Variants in DNAH10 observed in about 807,000 individuals in gnomAD.
The protein encoded by DNAH10 is dynein axonemal heavy chain 10.
A neutral mutation model predicts 506.6 loss-of-function variants in DNAH10; 348 were observed. The ratio of observed to expected loss-of-function variants is 0.69; its 90% CI spans 0.63 to 0.75. DNAH10 has a LOEUF of 0.75. Among genes scored for constraint, DNAH10 ranks in the 30% least tolerant of loss-of-function variants. The pLI is 0.00. For synonymous variants in DNAH10, 2,059 were observed against 2,198.6 expected (o/e 0.94, Z 1.78); for missense variants, 5,179 against 5,787.1 (o/e 0.89, Z 3.41).
At chr12:123,898,952 A>C in intron 56 of DNAH10, 138 bp downstream of exon 56, 1 of 1,311,306 alleles carries the variant, frequency 7.6e-7, no homozygotes, top group Non-Finnish European at 1.0e-6. Flanking sequence ...GCTTGTAGGC[A>C]CTGAGCGTGC....
intron 18 of DNAH10, among the ~76,000 whole-genome samples, chr12:123,808,170 C>T (rs1432609106): frequency 7.9e-5 from 12 of 152,112 alleles, no homozygotes; most frequent in Admixed American, 7.9e-4. Flanking sequence ...ATATCTGGGA[C>T]CACAGGCGTG....
intron 56 of DNAH10, among the ~76,000 whole-genome samples, chr12:123,899,993 A>G (rs999366374): frequency 2.0e-5 from 3 of 152,032 alleles, no homozygotes; most frequent in African/African-American, 7.3e-5. Flanking sequence ...GGTCCCATCA[A>G]TCCCTCTATG....
In DNAH10 at chr12:123,928,669, C is replaced by T; in HGVS notation, c.12306+82C>T. ...ATGCTGCTCTGGGGCCGGGGTGTGCCTTTGTCTGTGTAGAAATAAACCTTA... is the reference window on the plus strand; with the variant it reads ...ATGCTGCTCTGGGGCCGGGGTGTGCTTTTGTCTGTGTAGAAATAAACCTTA... On this transcript the variant is annotated intron_variant, in intron 70 of 78. Transcript: ENST00000673944. This position sits in a 1 kb window ranked among gnomAD's most constrained non-coding sequence, Gnocchi z 4.9. The T allele has an allele frequency of 6.9e-7, 1 of 1,446,752 alleles. No homozygotes were observed. The highest frequency in any genetic ancestry group is 9.3e-7 in the Non-Finnish European group (1 of 1,077,210). The allele number at this position is 1,446,752 out of a possible 1,614,324, so 89.6% of individuals were successfully genotyped here.
intron 11 of DNAH10, among the ~76,000 whole-genome samples, chr12:123,790,736 A>G (rs1958048011): frequency 1.3e-5 from 2 of 152,186 alleles, no homozygotes; most frequent in Admixed American, 1.3e-4. Flanking sequence ...TGGGTAAATA[A>G]TTGGTGATGA....
rs1951256704 is a variant in DNAH10 at position 123,853,503 on chromosome 12, C to CTCT, written c.6438+153_6438+155dup. 6.6e-6 allele frequency among the ~76,000 whole-genome samples: 1 copy of CTCT among 152,176 alleles called. No homozygotes were observed. The highest frequency in any genetic ancestry group is 1.5e-5 in the Non-Finnish European group (1 of 68,034). On this transcript the variant is annotated intron_variant, in intron 36 of 78. Transcript: ENST00000673944. This position sits in a 1 kb window ranked among gnomAD's most constrained non-coding sequence, Gnocchi z 4.7. ...CCCCGCGGTCTGGCCTTACTTTGGCCTCTTACCTGTTGTATCGTTTGCTTG... is the reference window on the plus strand; with the variant it reads ...CCCCGCGGTCTGGCCTTACTTTGGCCTCTTCTTACCTGTTGTATCGTTTGCTTG...
At chr12:123,871,298 A>G (rs1952022665) in intron 44 of DNAH10, among the ~76,000 whole-genome samples, 159 bp from the exon 45 acceptor site, 1 of 152,166 alleles carries the variant, frequency 6.6e-6, no homozygotes, top group Non-Finnish European at 1.5e-5. Flanking sequence ...AAAGTCAATC[A>G]GTTATACACT....
intron 45 of DNAH10, 109 bp downstream of exon 45, chr12:123,871,711 A>G: frequency 7.5e-7 from 1 of 1,325,990 alleles, no homozygotes; most frequent in South Asian, 1.4e-5. Flanking sequence ...TGGGTCGAGA[A>G]TGTGGGAGTG....
chr12:123,872,024 T>G (rs937018308), intron 45 of DNAH10, among the ~76,000 whole-genome samples: 4 of 152,134 alleles, frequency 2.6e-5, no homozygotes, highest in African/African-American at 9.7e-5. Context: ...ATGGGTGAGA[T>G]AGAAGCCACC....
In DNAH10 at chr12:123,886,476, C is replaced by T. The variant is rs566044102; in HGVS notation, c.8824-666C>T. ...AGGCATCCTGGTTGCGTTGCGCGCG[C>T]GCGCGTGTGTGTGCACACGTGTGTG... On this transcript the variant is annotated intron_variant, in intron 51 of 78. Coordinates refer to ENST00000673944, the MANE Select transcript of DNAH10 (RefSeq NM_001372106.1). Among the ~76,000 whole-genome samples, 275 of 133,990 alleles carry T rather than the reference C, an allele frequency of 2.1e-3. 1 individual carries two copies. The highest frequency in any genetic ancestry group is 7.5e-3 in the Middle Eastern group (2 of 266). 87.9% of individuals were successfully genotyped at this position (133,990 alleles called of 152,430 possible).
chr12:123,814,060 C>G (rs991476326), intron 21 of DNAH10, 148 bp downstream of exon 21: 1 of 690,902 alleles, frequency 1.4e-6, no homozygotes, highest in East Asian at 3.0e-5. Context: ...AGCAATGCCA[C>G]TGTTATTTAG....
intron 53 of DNAH10, 60 bp from the exon 54 acceptor site, chr12:123,894,583 C>A: frequency 6.7e-7 from 1 of 1,499,040 alleles, no homozygotes; most frequent in Non-Finnish European, 9.3e-7. Flanking sequence ...TTTGTAGAGA[C>A]AGGGTCTCGC....
At chr12:123,894,569 A>AT (rs1953134235) in intron 53 of DNAH10, 74 bp from the exon 54 acceptor site, 1 of 1,429,344 alleles carries the variant, frequency 7.0e-7, no homozygotes, top group Non-Finnish European at 9.8e-7. Flanking sequence ...TGATTTTTGT[A>AT]TTTTTTGTAG....
At chr12:123,870,708 C>T (rs1951996371) in intron 44 of DNAH10, among the ~76,000 whole-genome samples, 1 of 152,166 alleles carries the variant, frequency 6.6e-6, no homozygotes, top group African/African-American at 2.4e-5. Flanking sequence ...CGTGGCTCTG[C>T]CTCTCAGCTC....
In DNAH10 at chr12:123,931,956, G is replaced by C. The variant is rs898949839; in HGVS notation, c.13144G>C (p.Val4382Leu). ...TTCTAAATAGGCCTTGGCTGGAGAA[G>C]TTGGAATGAGCAATGAGTTAGATGA... ...AELQRALAGE[V>L]GMSNELDDVA... The change falls in exon 76 of 79, where the codon GTT becomes CTT. Residue 4382 changes from valine to leucine, a missense_variant. Around this residue, in one of 3 missense-constraint regions of DNAH10, gnomAD observed 4,844 missense variants for 5,430.5 expected, o/e 0.89. Coordinates refer to ENST00000673944, the MANE Select transcript of DNAH10 (RefSeq NM_001372106.1). The C allele has an allele frequency of 1.2e-6, 2 of 1,614,068 alleles. No homozygotes were observed.
At position 123,784,047 on chromosome 12, in the gene DNAH10, T is replaced by C. The variant is rs201397099; in HGVS notation, c.1100T>C (p.Leu367Ser). The part of the protein sequence containing the change: ...QTKLPIVRKV[L>S]DVIKESDSML... ...AAGCTTCCAATAGTCAGAAAAGTCT[T>C]GGATGTGATCAAGGAATCCGACTCC... Residue 367 changes from leucine to serine, a missense_variant, in exon 8 of 79, where the codon TTG becomes TCG. Leu to Ser is a moderately radical substitution (Grantham distance 145, BLOSUM62 -2). Coordinates refer to ENST00000673944, the MANE Select transcript of DNAH10 (RefSeq NM_001372106.1). 2.5e-5 allele frequency: 40 copies of C among 1,614,204 alleles called. No homozygotes were observed. The African/African-American group carries it at 3.2e-4, about 13-fold the overall frequency.
At chr12:123,868,206 G>A in intron 43 of DNAH10, 87 bp downstream of exon 43, 1 of 1,168,634 alleles carries the variant, frequency 8.6e-7, no homozygotes, top group Middle Eastern at 2.9e-4. Flanking sequence ...CCATATTTCT[G>A]TCTGTATGAG....
At chr12:123,862,651 A>G (rs1951657155) in intron 39 of DNAH10, among the ~76,000 whole-genome samples, 1 of 152,144 alleles carries the variant, frequency 6.6e-6, no homozygotes. Flanking sequence ...TCAGCCAACT[A>G]CAGTGCTGAG....
chr12:123,788,501 G>A (rs574056529), intron 10 of DNAH10, among the ~76,000 whole-genome samples: 7 of 152,066 alleles, frequency 4.6e-5, no homozygotes, highest in East Asian at 1.9e-4. Flanking sequence ...ACGGTGTGCC[G>A]GGTACTCAGA....
chr12:123,796,589 A>T (rs1051094618), intron 12 of DNAH10, 67 bp from the exon 13 acceptor site: 6 of 1,441,146 alleles, frequency 4.2e-6, no homozygotes, highest in Middle Eastern at 3.6e-4. Context: ...TAAAGATTCA[A>T]ATCTCATCTT....
Sources: gnomAD v4.1 joint callset for allele counts (sites outside exome capture counted in the v4.1 genomes callset) on GRCh38, gnomAD v4.1.1 for gene constraint, gnomAD v4.1.1 regional missense constraint, Gnocchi (gnomAD v3.1) non-coding constraint, MANE v1.5 for transcripts, NCBI Gene and HGNC (gene_info 2026-07-23, HGNC 2026-07-21) for gene names.